The following AGBL1 variants were observed in gnomAD, a reference collection of about 807,000 sequenced individuals.
AGBL1 encodes the protein AGBL carboxypeptidase 1.
A neutral mutation model predicts 118.9 loss-of-function variants in AGBL1; 130 were observed. The ratio of observed to expected loss-of-function variants is 1.09; its 90% CI spans 0.95 to 1.26. The LOEUF (loss-of-function observed/expected upper bound fraction) is 1.26. AGBL1 is among the 50% of genes most tolerant of loss of function. AGBL1 has a pLI of 0.00. For synonymous variants in AGBL1, 555 were observed against 478.9 expected (o/e 1.16, Z -2.08); for missense variants, 1,584 against 1,298.1 (o/e 1.22, Z -3.38).
At chr15:86,110,675 G>A (rs76997607) in intron 1 of AGBL1, among the ~76,000 whole-genome samples, 1,651 of 152,220 alleles carry the variant, frequency 0.011, 17 homozygotes, top group Non-Finnish European at 0.019. Flanking sequence ...TGTGACCTAA[G>A]GTTAATCATT....
At chr15:86,457,421 T>G (rs1348618110) in intron 18 of AGBL1, among the ~76,000 whole-genome samples, 1 of 152,154 alleles carries the variant, frequency 6.6e-6, no homozygotes, top group Non-Finnish European at 1.5e-5. Context: ...GGAGCCAATT[T>G]TAATACCTGA....
chr15:86,721,666 C>A (rs1249971085), intron 22 of AGBL1, among the ~76,000 whole-genome samples: 1 of 152,156 alleles, frequency 6.6e-6, no homozygotes, highest in African/African-American at 2.4e-5. Context: ...GGCAATTAGG[C>A]AGGAGAAGGA....
intron 22 of AGBL1, among the ~76,000 whole-genome samples, chr15:86,854,975 G>C (rs1189154459): frequency 6.6e-6 from 1 of 152,092 alleles, no homozygotes; most frequent in East Asian, 1.9e-4. Context: ...CCCCCCCACT[G>C]GTCCTAGTTT....
chr15:86,427,214 A>G (rs1442353661), intron 18 of AGBL1, among the ~76,000 whole-genome samples: 3 of 152,362 alleles, frequency 2.0e-5, no homozygotes, highest in Admixed American at 6.5e-5. Context: ...GGAGGGAAAA[A>G]GAGGAACAGT....
At chr15:86,564,285 T>C (rs889159286) in intron 21 of AGBL1, among the ~76,000 whole-genome samples, 7 of 152,230 alleles carry the variant, frequency 4.6e-5, no homozygotes, top group Non-Finnish European at 1.0e-4. Flanking sequence ...TTCCTTTCCA[T>C]GTTTAGTGCT....
intron 17 of AGBL1, among the ~76,000 whole-genome samples, chr15:86,345,283 T>A (rs1496894): frequency 0.66 from 99,593 of 151,402 alleles, 34,358 homozygotes; most frequent in Non-Finnish European, 0.77. Flanking sequence ...TGTGCTCTTT[T>A]TCAGGAGACT....
intron 18 of AGBL1, among the ~76,000 whole-genome samples, chr15:86,442,503 T>C (rs912377905): frequency 6.6e-6 from 1 of 152,248 alleles, no homozygotes; most frequent in Non-Finnish European, 1.5e-5. Context: ...TCAAAGTATA[T>C]TTTTAATCTT....
At chr15:86,118,067 A>T (rs571080534) in intron 1 of AGBL1, among the ~76,000 whole-genome samples, 16 of 152,312 alleles carry the variant, frequency 1.1e-4, no homozygotes, top group Non-Finnish European at 2.1e-4. Context: ...TTACACTGAC[A>T]TTGTTACCGT....
intron 23 of AGBL1, among the ~76,000 whole-genome samples, chr15:86,966,459 A>G (rs1394534217): frequency 1.3e-5 from 2 of 152,040 alleles, no homozygotes; most frequent in South Asian, 4.1e-4. Context: ...ATATCTCCTA[A>G]TGCTATCCCT....
intron 24 of AGBL1, among the ~76,000 whole-genome samples, chr15:87,021,886 G>C (rs187531410): frequency 2.0e-4 from 31 of 152,218 alleles, no homozygotes; most frequent in Non-Finnish European, 4.0e-4. Context: ...GAAGGAAGCG[G>C]ATTGCTCCTG....
intron 7 of AGBL1, among the ~76,000 whole-genome samples, chr15:86,253,759 AC>A (rs2078853485): frequency 1.3e-5 from 2 of 152,178 alleles, no homozygotes; most frequent in Non-Finnish European, 2.9e-5. Flanking sequence ...AATACATGCA[AC>A]CAAATTCACC....
intron 1 of AGBL1, among the ~76,000 whole-genome samples, chr15:86,118,476 A>G (rs1226829033): frequency 6.8e-6 from 1 of 147,376 alleles, no homozygotes; most frequent in African/African-American, 2.4e-5. Flanking sequence ...TACACTTCAA[A>G]AAAAAAAAAG....
At chr15:86,989,244 T>C (rs2081314160) in intron 24 of AGBL1, among the ~76,000 whole-genome samples, 1 of 152,096 alleles carries the variant, frequency 6.6e-6, no homozygotes, top group South Asian at 2.1e-4. Context: ...CAAGTTATCA[T>C]CTTACCTTGG....
At chr15:86,405,534 A>G (rs2081513300) in intron 18 of AGBL1, among the ~76,000 whole-genome samples, 2 of 151,624 alleles carry the variant, frequency 1.3e-5, no homozygotes, top group African/African-American at 4.8e-5. Context: ...AAAAAACAAC[A>G]ACAAAAAAGA....
chr15:86,721,060 T>C (rs1238732261), intron 22 of AGBL1, among the ~76,000 whole-genome samples: 1 of 152,192 alleles, frequency 6.6e-6, no homozygotes, highest in African/African-American at 2.4e-5. Context: ...AGCTGAATTC[T>C]ACCAGAGGTA....
chr15:86,973,819 G>C (rs2081135550), intron 23 of AGBL1, among the ~76,000 whole-genome samples: 1 of 149,750 alleles, frequency 6.7e-6, no homozygotes. Flanking sequence ...TTGAAAAGCA[G>C]AATTATAAAA....
intron 22 of AGBL1, among the ~76,000 whole-genome samples, chr15:86,759,783 G>T (rs2077998172): frequency 6.6e-6 from 1 of 152,082 alleles, no homozygotes; most frequent in Non-Finnish European, 1.5e-5. Flanking sequence ...TCTTCTCGAT[G>T]ATCTTCACGT....
chr15:86,804,735 G>A (rs2141355482), intron 22 of AGBL1, among the ~76,000 whole-genome samples: 1 of 152,236 alleles, frequency 6.6e-6, no homozygotes, highest in Non-Finnish European at 1.5e-5. Flanking sequence ...GATGGGAAAG[G>A]CTATATGAAG....
At chr15:86,628,866 A>C (rs1325558771) in intron 21 of AGBL1, among the ~76,000 whole-genome samples, 1 of 152,182 alleles carries the variant, frequency 6.6e-6, no homozygotes, top group Non-Finnish European at 1.5e-5. Flanking sequence ...TACAATTGAC[A>C]AATAAAATGT....
Sources: gnomAD v4.1 joint callset for allele counts (sites outside exome capture counted in the v4.1 genomes callset) on GRCh38, gnomAD v4.1.1 for gene constraint, MANE v1.5 for transcripts, NCBI Gene and HGNC (gene_info 2026-07-23, HGNC 2026-07-21) for gene names.